PLEC: variants seen among roughly 807,000 people sequenced by gnomAD.
PLEC encodes hemidesmosomal protein 1.
A neutral mutation model predicts 392.8 loss-of-function variants in PLEC; 216 were observed. That is an observed-to-expected ratio of 0.55 (90% CI 0.49 to 0.62). The LOEUF (loss-of-function observed/expected upper bound fraction) is 0.62. Ranked by LOEUF, PLEC falls within the 20% of genes least tolerant of loss-of-function variation. The pLI is 0.00. For missense variants in PLEC, 6,863 were observed against 6,563.4 expected (o/e 1.05, Z -1.58); for synonymous variants, 3,621 against 2,980.6 (o/e 1.21, Z -7.00).
chr8:143,951,345 A>T (rs1554736503), upstream of PLEC, among the ~76,000 whole-genome samples: 1 of 151,954 alleles, frequency 6.6e-6, no homozygotes, highest in East Asian at 1.9e-4. Flanking sequence ...AGCGGAGAGG[A>T]CTAGGGCCTG....
upstream of PLEC, among the ~76,000 whole-genome samples, chr8:143,953,506 T>G (rs908067062): frequency 6.6e-6 from 1 of 151,814 alleles, no homozygotes; most frequent in African/African-American, 2.4e-5. Flanking sequence ...CCGACGCTCC[T>G]GCAGGGCTGC....
rs1432755117 is a variant in PLEC at position 143,929,147 on chromosome 8, G to T, written c.3216C>A (p.Gly1072=). The T allele has an allele frequency of 1.0e-5, 16 of 1,590,622 alleles. No homozygotes were observed. Among genetic ancestry groups the T allele is most frequent in the East Asian group, 2.3e-5 (1 of 44,020 alleles). ...TLRSELELTL[G]KLEQVRSLSA... ...ACAGGCTGCGGACCTGCTCCAGCTTGCCCAGCGTCAGCTCCAGCTCCGAGC... is the reference window on the plus strand; with the variant it reads ...ACAGGCTGCGGACCTGCTCCAGCTTTCCCAGCGTCAGCTCCAGCTCCGAGC... The change falls in exon 25 of 32, where the codon GGC becomes GGA. Residue 1072 remains glycine, a synonymous_variant. Transcript: ENST00000345136.
chr8:143,919,274 T>A lies in PLEC; in HGVS notation c.10547A>T (p.Asn3516Ile), dbSNP rs1554677743. 1.2e-6 allele frequency: 2 copies of A among 1,613,978 alleles called. No individual in the cohort carries two copies. The highest frequency in any genetic ancestry group is 1.7e-6 in the Non-Finnish European group (2 of 1,180,030). Residue 3516 changes from asparagine (N) to isoleucine (I), a missense_variant, in exon 32 of 32, where the codon AAC becomes ATC. Asn to Ile is a moderately radical substitution (Grantham distance 149, BLOSUM62 -3). Transcript: ENST00000345136. ...SDDTKGFFDP[N>I]THENLTYRQL... Reference sequence around the variant, plus strand: ...CCTGTACGTGAGGTTCTCATGCGTGTTGGGGTCAAAGAAGCCCTTGGTGTC... The same window carrying A: ...CCTGTACGTGAGGTTCTCATGCGTGATGGGGTCAAAGAAGCCCTTGGTGTC...
chr8:143,946,307 C>T (rs1377735134), intron 1 of PLEC: 4 of 1,272,600 alleles, frequency 3.1e-6, no homozygotes, highest in Non-Finnish European at 4.1e-6. Context: ...CGGCCCCGGC[C>T]CTCTCCTCTG....
In PLEC at chr8:143,924,120, C is replaced by T. The variant is rs1278857126; in HGVS notation, c.5809G>A (p.Ala1937Thr). The stretch of plus-strand genomic sequence containing the variant: ...TCCAGCTCCGCCTTGCCAGCGGCCG[C>T]CTTCTCGAAGCTCGCCTTCAGCGCC... ...ILALKASFEK[A>T]AAGKAELELE... is the part of the protein sequence containing the mutation. The change falls in exon 31 of 32, where the codon GCG becomes ACG. Residue 1937 changes from alanine to threonine, a missense_variant. By Grantham distance (58) the Ala-to-Thr change is moderately conservative. Transcript: ENST00000345136. The T allele has an allele frequency of 1.9e-6, 3 of 1,598,912 alleles. No individual in the cohort carries two copies. Among genetic ancestry groups the T allele is most frequent in the Admixed American group, 1.7e-5 (1 of 59,976 alleles).
At position 143,932,718 on chromosome 8, in the gene PLEC, A is replaced by G. The variant is rs1827750927; in HGVS notation, c.1738-6T>C. 1.9e-6 allele frequency: 3 copies of G among 1,607,044 alleles called. No individual in the cohort carries two copies. The highest frequency in any genetic ancestry group is 1.3e-5 in the African/African-American group (1 of 74,690). On this transcript the variant is annotated splice_region_variant and splice_polypyrimidine_tract_variant and intron_variant, in intron 14 of 31. Transcript: ENST00000345136. ...GTGGCGGGGGAGAGCTGGCCCTGCA[A>G]CAGATGAGACGGTGAGGTCTGCAGT... is the stretch of plus-strand genomic sequence containing the variant.
At chr8:143,933,459 A>G (rs1418608707) in intron 12 of PLEC, 108 bp from the exon 13 acceptor site, 1 of 1,309,612 alleles carries the variant, frequency 7.6e-7, no homozygotes, top group Non-Finnish European at 1.1e-6. Context: ...TCAGTGGGCC[A>G]CTGCCTCCAT....
In PLEC at chr8:143,920,935, C is replaced by T; in HGVS notation, c.8886G>A (p.Val2962=). 6.2e-7 allele frequency: 1 copy of T among 1,612,944 alleles called. No homozygotes were observed. Among genetic ancestry groups the T allele is most frequent in the Non-Finnish European group, 8.5e-7 (1 of 1,180,040 alleles). The stretch of plus-strand genomic sequence containing the variant: ...GGCCCTTCTGCTCCTGCTCCTCCAC[C>T]ACCGTGATGATGATCTTGATGATCT... The part of the protein sequence containing the change: ...VEKIIKIIIT[V]VEEQEQKGRL... Residue 2962 remains valine, a synonymous_variant, in exon 32 of 32, where the codon GTG becomes GTA. Transcript: ENST00000345136.
chr8:143,934,587 C>A lies in PLEC; in HGVS notation c.1041+48G>T, dbSNP rs782544736. ...GTCGGCTCCGGAAGAACCTTTCAGGCCTGGGGCGTTCCAGGACACCACCCA... is the reference window on the plus strand; with the variant it reads ...GTCGGCTCCGGAAGAACCTTTCAGGACTGGGGCGTTCCAGGACACCACCCA... On this transcript the variant is annotated intron_variant, in intron 10 of 31. Coordinates refer to ENST00000345136, the MANE Select transcript of PLEC (RefSeq NM_201384.3). 4.4e-6 allele frequency: 7 copies of A among 1,602,814 alleles called. No individual in the cohort carries two copies. The South Asian group carries it at 7.7e-5, about 18-fold the overall frequency.
upstream of PLEC, among the ~76,000 whole-genome samples, chr8:143,940,240 T>A (rs1554727707): frequency 1.3e-5 from 2 of 152,004 alleles, no homozygotes; most frequent in African/African-American, 4.8e-5. Context: ...AGTGCCCACC[T>A]GCGGAGCCCA....
chr8:143,938,492 G>C, intron 2 of PLEC, 139 bp downstream of exon 2: 1 of 1,560,746 alleles, frequency 6.4e-7, no homozygotes, highest in South Asian at 1.1e-5. Context: ...GAAGAAAGAG[G>C]ACAGAAAATA....
At position 143,932,675 on chromosome 8, in the gene PLEC, T is replaced by G. The variant is rs782653214; in HGVS notation, c.1775A>C (p.Asp592Ala). 6.2e-7 allele frequency: 1 copy of G among 1,610,426 alleles called. No homozygotes were observed. The highest frequency in any genetic ancestry group is 8.5e-7 in the Non-Finnish European group (1 of 1,179,010). ...CTGCAGGTCCAGCCGACCCAGGCAGTCACGGTAGGCACCCCGGGTGGCGGG... is the reference window on the plus strand; with the variant it reads ...CTGCAGGTCCAGCCGACCCAGGCAGGCACGGTAGGCACCCCGGGTGGCGGG... ...LSPATRGAYR[D>A]CLGRLDLQYA... The change falls in exon 15 of 32, where the codon GAC (aspartate) becomes GCC (alanine). Residue 592 changes from aspartate to alanine, a missense_variant. Transcript: ENST00000345136.
chr8:143,972,507 C>A (rs1448205838), intron 1 of PLEC, among the ~76,000 whole-genome samples: 2 of 152,222 alleles, frequency 1.3e-5, no homozygotes, highest in Non-Finnish European at 2.9e-5. Context: ...CACCACGGGG[C>A]CCCAGCAGGA....
Position 143,917,612 on chromosome 8 carries a change from C to A in PLEC, c.12209G>T (p.Gly4070Val). 6.2e-7 allele frequency: 1 copy of A among 1,613,792 alleles called. No homozygotes were observed. The highest frequency in any genetic ancestry group is 1.1e-5 in the South Asian group (1 of 91,086). The change falls in exon 32 of 32, where the codon GGC becomes GTC. Residue 4070 changes from glycine (G) to valine (V), a missense_variant. By Grantham distance (109) the Gly-to-Val change is moderately radical. Coordinates refer to ENST00000345136, the MANE Select transcript of PLEC (RefSeq NM_201384.3). ...CTCGTTCATCTCCTCATCGAAGAGG[C>A]CGCGCTTGTAGGCCACCTCCACGGG... is the stretch of plus-strand genomic sequence containing the variant. ...RLPVEVAYKRGLFDEEMNEIL... is the reference protein window; with the variant it reads ...RLPVEVAYKRVLFDEEMNEIL...
chr8:143,957,874 G>A (rs1369210809), upstream of PLEC, among the ~76,000 whole-genome samples: 2 of 151,668 alleles, frequency 1.3e-5, no homozygotes, highest in African/African-American at 4.8e-5. Flanking sequence ...GGTGGAGCAG[G>A]CCAGTGGGCT....
rs782640089 is a variant in PLEC at position 143,923,354 on chromosome 8, C to T, written c.6575G>A (p.Arg2192Gln). The T allele has an allele frequency of 2.5e-5, 41 of 1,610,152 alleles. No individual in the cohort carries two copies. The highest frequency in any genetic ancestry group is 1.7e-4 in the African/African-American group (13 of 74,852). Residue 2192 changes from arginine to glutamine, a missense_variant, in exon 31 of 32, where the codon CGG becomes CAG. Coordinates refer to ENST00000345136, the MANE Select transcript of PLEC (RefSeq NM_201384.3). ...GTGGTCGGTCTCCTCCAGCTGCAGC[C>T]GCAGTGTTGTCAGCTCCTGCTCCAC... Reference protein sequence around the residue: ...AQVEQELTTLRLQLEETDHQK... With the variant: ...AQVEQELTTLQLQLEETDHQK...
At chr8:143,930,111 C>T (rs1554712925) in intron 21 of PLEC, 33 bp downstream of exon 21, 1 of 1,597,232 alleles carries the variant, frequency 6.3e-7, no homozygotes, top group Non-Finnish European at 8.5e-7. Context: ...CACCCGCCTT[C>T]CAGCCCCCAC....
At chr8:143,959,219 C>T (rs782523761) in intron 1 of PLEC, among the ~76,000 whole-genome samples, 53 of 152,204 alleles carry the variant, frequency 3.5e-4, no homozygotes, top group Non-Finnish European at 4.6e-4. Context: ...CCTCTTGGCA[C>T]CTGAAACAAC....
chr8:143,917,589 C>T lies in PLEC; in HGVS notation c.12232G>A (p.Glu4078Lys), dbSNP rs782767430. ...TCGTCCGAGGGGTCGGTCAGGATCT[C>T]GTTCATCTCCTCATCGAAGAGGCCG... ...KRGLFDEEMN[E>K]ILTDPSDDTK... Residue 4078 changes from glutamate to lysine, a missense_variant, in exon 32 of 32, where the codon GAG (glutamate) becomes AAG (lysine). Coordinates refer to ENST00000345136, the MANE Select transcript of PLEC (RefSeq NM_201384.3). The T allele has an allele frequency of 1.7e-5, 27 of 1,613,744 alleles. No homozygotes were observed. The highest frequency in any genetic ancestry group is 5.0e-5 in the Admixed American group (3 of 60,002).
Sources: gnomAD v4.1 joint callset for allele counts (sites outside exome capture counted in the v4.1 genomes callset) on GRCh38, gnomAD v4.1.1 for gene constraint, MANE v1.5 for transcripts, NCBI Gene and HGNC (gene_info 2026-07-23, HGNC 2026-07-21) for gene names.